The following SAMMSON variants were observed in gnomAD, a reference collection of about 807,000 sequenced individuals.
SAMMSON encodes the protein long intergenic non-protein coding RNA 1212.
chr3:70,174,113 A>G (rs1357157743), intron 4 of SAMMSON, among the ~76,000 whole-genome samples: 1 of 151,790 alleles, frequency 6.6e-6, no homozygotes, highest in Admixed American at 6.6e-5. Context: ...TATAATTCTT[A>G]GGTTATGAAC....
chr3:70,024,738 G>C (rs141904775), intron 3 of SAMMSON: 1 of 152,314 alleles, frequency 6.6e-6, no homozygotes, highest in South Asian at 2.1e-4. Context: ...ATTTAGGCTG[G>C]TTCCAAGAAA....
intron 3 of SAMMSON, among the ~76,000 whole-genome samples, chr3:70,040,167 A>G (rs2067100977): frequency 6.6e-6 from 1 of 152,166 alleles, no homozygotes; most frequent in Non-Finnish European, 1.5e-5. Flanking sequence ...TAAATATTAT[A>G]ATAACCACCT....
At chr3:70,283,790 G>A (rs1236278878) in intron 6 of SAMMSON, 1 of 151,308 alleles carries the variant, frequency 6.6e-6, no homozygotes, top group Non-Finnish European at 1.5e-5. Flanking sequence ...AAAAAAGAGA[G>A]AGAAGAAAAA....
chr3:70,293,889 C>T (rs551854718), intron 7 of SAMMSON, among the ~76,000 whole-genome samples: 1 of 151,946 alleles, frequency 6.6e-6, no homozygotes, highest in Admixed American at 6.6e-5. Context: ...TTTTGTGTTA[C>T]ATGTTGAAGC....
At chr3:70,059,383 A>G (rs1576111338) in intron 3 of SAMMSON, among the ~76,000 whole-genome samples, 1 of 152,078 alleles carries the variant, frequency 6.6e-6, no homozygotes, top group African/African-American at 2.4e-5. Flanking sequence ...TTACACAATT[A>G]TGGGAGTTGA....
intron 6 of SAMMSON, among the ~76,000 whole-genome samples, chr3:70,271,081 T>C (rs1170339193): frequency 6.6e-6 from 1 of 152,132 alleles, no homozygotes; most frequent in Admixed American, 6.5e-5. Flanking sequence ...AATTAAATCA[T>C]AGGCCATTTA....
intron 4 of SAMMSON, among the ~76,000 whole-genome samples, chr3:70,208,523 T>C (rs1300645661): frequency 6.6e-6 from 1 of 152,080 alleles, no homozygotes; most frequent in East Asian, 1.9e-4. Context: ...AAAGCTCTGG[T>C]ATTCCCCTAT....
intron 7 of SAMMSON, chr3:70,311,739 A>C (rs1448201892): frequency 1.3e-5 from 5 of 378,124 alleles, no homozygotes; most frequent in African/African-American, 2.1e-5. Flanking sequence ...CCACATAAGA[A>C]TTTGAAAAAA....
At chr3:70,099,454 A>G (rs1218600196) in intron 4 of SAMMSON, among the ~76,000 whole-genome samples, 1 of 152,132 alleles carries the variant, frequency 6.6e-6, no homozygotes. Context: ...TCCCATTCCT[A>G]CCACAGCTAA....
intron 4 of SAMMSON, among the ~76,000 whole-genome samples, chr3:70,073,853 A>G (rs1010024159): frequency 6.6e-6 from 1 of 152,100 alleles, no homozygotes; most frequent in East Asian, 1.9e-4. Context: ...CTGTATTCTT[A>G]CTCAAAAGAT....
At chr3:70,232,996 C>T (rs2106746133) in intron 4 of SAMMSON, among the ~76,000 whole-genome samples, 1 of 152,260 alleles carries the variant, frequency 6.6e-6, no homozygotes, top group East Asian at 1.9e-4. Context: ...CAAGACCAGC[C>T]TGGTTATCAT....
chr3:70,033,085 A>G (rs1034788916), intron 3 of SAMMSON, among the ~76,000 whole-genome samples: 1 of 152,146 alleles, frequency 6.6e-6, no homozygotes, highest in Admixed American at 6.6e-5. Flanking sequence ...TCCTGGGGGT[A>G]ACATCTGACG....
chr3:70,054,046 G>A (rs2067157349), intron 3 of SAMMSON, among the ~76,000 whole-genome samples: 1 of 151,974 alleles, frequency 6.6e-6, no homozygotes, highest in Admixed American at 6.6e-5. Flanking sequence ...AATAACAACT[G>A]GTTGGCAAAC....
intron 7 of SAMMSON, among the ~76,000 whole-genome samples, chr3:70,319,903 G>C (rs1702524550): frequency 6.6e-6 from 1 of 152,032 alleles, no homozygotes; most frequent in African/African-American, 2.4e-5. Context: ...AAAATCCCCA[G>C]ATAATCTGGG....
At chr3:70,053,889 T>C (rs1008369089) in intron 3 of SAMMSON, among the ~76,000 whole-genome samples, 1 of 152,154 alleles carries the variant, frequency 6.6e-6, no homozygotes, top group Non-Finnish European at 1.5e-5. Flanking sequence ...TATTATCCAT[T>C]AATACTAGAA....
chr3:70,184,676 G>A (rs1248738087), intron 4 of SAMMSON, among the ~76,000 whole-genome samples: 4 of 152,136 alleles, frequency 2.6e-5, no homozygotes, highest in African/African-American at 9.7e-5. Context: ...AAAGCAGTAA[G>A]GTAAATCAGA....
chr3:70,257,994 T>A (rs1473774011), intron 6 of SAMMSON, among the ~76,000 whole-genome samples: 1 of 152,184 alleles, frequency 6.6e-6, no homozygotes, highest in East Asian at 1.9e-4. Flanking sequence ...GTCAATTGAT[T>A]TTTGACAAAG....
chr3:70,164,465 A>T (rs1246193262), intron 4 of SAMMSON, among the ~76,000 whole-genome samples: 1 of 152,056 alleles, frequency 6.6e-6, no homozygotes, highest in Non-Finnish European at 1.5e-5. Context: ...TATTGAGGTG[A>T]ATAGTACTTA....
chr3:70,313,019 G>A (rs1478303045), intron 7 of SAMMSON, among the ~76,000 whole-genome samples: 1 of 152,170 alleles, frequency 6.6e-6, no homozygotes, highest in East Asian at 1.9e-4. Context: ...TCCTGTAGTT[G>A]ATAGTTTGAA....
Sources: allele counts gnomAD v4.1 joint callset (sites outside exome capture counted in the v4.1 genomes callset), GRCh38; gene constraint gnomAD v4.1.1; transcripts MANE v1.5; gene names NCBI Gene and HGNC (gene_info 2026-07-23, HGNC 2026-07-21).